MAOA: variants seen among roughly 807,000 people sequenced by gnomAD.
MAOA encodes monoamine oxidase A.
In MAOA, 6 loss-of-function variants were observed where a neutral mutation model predicts 42.0. The ratio of observed to expected loss-of-function variants is 0.14; its 90% CI spans 0.08 to 0.28. MAOA has a LOEUF of 0.28. MAOA is among the 10% of genes least tolerant of loss of function. The pLI is 1.00. For synonymous variants in MAOA, 140 were observed against 154.0 expected (o/e 0.91, Z 0.67); for missense variants, 262 against 422.3 (o/e 0.62, Z 3.33).
chrX:43,708,900 G>A (rs1446415616), intron 3 of MAOA, among the ~76,000 whole-genome samples: 1 of 109,612 alleles, frequency 9.1e-6, no homozygotes, highest in African/African-American at 3.3e-5. Flanking sequence ...GTGCTCTGTC[G>A]CTCAGGCTGG....
chrX:43,692,033 A>G (rs1348245115), intron 2 of MAOA, among the ~76,000 whole-genome samples: 6 of 71,512 alleles, frequency 8.4e-5, no homozygotes, highest in Admixed American at 5.0e-4. Flanking sequence ...ACACACACAC[A>G]CACACGCACG....
At chrX:43,663,979 G>A (rs1272158871) in intron 1 of MAOA, among the ~76,000 whole-genome samples, 7 of 111,975 alleles carry the variant, frequency 6.3e-5, no homozygotes, top group African/African-American at 9.7e-5. Context: ...GTATTTTTAC[G>A]CATAGATGTT....
At chrX:43,719,052 A>C (rs1279452613) in intron 5 of MAOA, among the ~76,000 whole-genome samples, 8 of 110,147 alleles carry the variant, frequency 7.3e-5, no homozygotes, top group African/African-American at 2.7e-4. Context: ...CTGGGGGGAC[A>C]CAGGAAGAGG....
intron 1 of MAOA, among the ~76,000 whole-genome samples, chrX:43,667,100 T>C (rs1003783466): frequency 9.1e-6 from 1 of 109,918 alleles, no homozygotes; most frequent in South Asian, 4.0e-4. Context: ...GTAACAAACC[T>C]GCACATTGTG....
rs113393189 is a variant in MAOA at position 43,682,414 on chromosome X, C to T, written c.74-1099C>T. ...AAACACACACACAAAATGATAGGGG[C>T]ATGTCAAAGGGGCATAGGAGCCAAC... On this transcript the variant is annotated intron_variant, in intron 1 of 14. Coordinates refer to ENST00000338702, the MANE Select transcript of MAOA (RefSeq NM_000240.4). 5.0e-3 allele frequency among the ~76,000 whole-genome samples: 554 copies of T among 111,587 alleles called. 7 individuals carry two copies. Among genetic ancestry groups the T allele is most frequent in the African/African-American group, 0.017 (534 of 30,723 alleles).
intron 1 of MAOA, among the ~76,000 whole-genome samples, chrX:43,667,003 G>GA (rs200854522): frequency 2.1e-5 from 2 of 93,580 alleles, no homozygotes; most frequent in Non-Finnish European, 4.1e-5. Flanking sequence ...TGGGGTGGGG[G>GA]GCGGGGGGGA....
At chrX:43,732,567 T>C in intron 8 of MAOA, 132 bp from the exon 9 acceptor site, 2 of 396,386 alleles carry the variant, frequency 5.0e-6, no homozygotes, top group South Asian at 6.1e-5. Flanking sequence ...ACAAGACATG[T>C]AGGGTTGGGG....
At chrX:43,720,362 G>C (rs187806701) in intron 5 of MAOA, among the ~76,000 whole-genome samples, 2 of 109,835 alleles carry the variant, frequency 1.8e-5, no homozygotes, top group East Asian at 5.9e-4. Flanking sequence ...CAACCCACAG[G>C]GATACAGGGA....
At chrX:43,722,729 G>T (rs777615826) in intron 5 of MAOA, among the ~76,000 whole-genome samples, 1 of 111,936 alleles carries the variant, frequency 8.9e-6, no homozygotes, top group Non-Finnish European at 1.9e-5. Flanking sequence ...TGTTGCTATT[G>T]CTTTTGGTGT....
chrX:43,682,687 C>T (rs2147080478), intron 1 of MAOA, among the ~76,000 whole-genome samples: 1 of 111,429 alleles, frequency 9.0e-6, no homozygotes, highest in South Asian at 3.8e-4. Flanking sequence ...TAAGTGTAGG[C>T]TATGCATAGC....
At position 43,744,520 on chromosome X, in the gene MAOA, G is replaced by A; in HGVS notation, c.*7G>A. On this transcript the variant is annotated 3_prime_UTR_variant, in exon 15 of 15. Coordinates refer to ENST00000338702, the MANE Select transcript of MAOA (RefSeq NM_000240.4). ...GCTCCTGCCACGGTCTTGAAGTTCT[G>A]TTCTTATGCTCTCTGCTCACTGGTT... The A allele has an allele frequency of 8.3e-7, 1 of 1,208,709 alleles. No homozygotes were observed. The highest frequency in any genetic ancestry group is 1.7e-5 in the African/African-American group (1 of 57,682).
intron 5 of MAOA, among the ~76,000 whole-genome samples, chrX:43,723,455 T>G (rs1270278015): frequency 2.7e-5 from 3 of 111,736 alleles, no homozygotes; most frequent in Non-Finnish European, 5.6e-5. Context: ...GTAGCAATTG[T>G]GAATAGGAGT....
In MAOA at chrX:43,711,936, A is replaced by G; in HGVS notation, c.371A>G (p.Tyr124Cys). 2 of 1,208,281 alleles carry G rather than the reference A, an allele frequency of 1.7e-6. No individual in the cohort carries two copies. The highest frequency in any genetic ancestry group is 2.2e-6 in the Non-Finnish European group (2 of 892,345). ...TGGAATCCCATTGCATATTTGGATT[A>G]CAATAATCTGTGGAGGACAATAGAT... ...PVWNPIAYLDYNNLWRTIDNM... is the reference protein window; with the variant it reads ...PVWNPIAYLDCNNLWRTIDNM... Residue 124 changes from tyrosine (Y) to cysteine (C), a missense_variant, in exon 4 of 15, where the codon TAC (tyrosine) becomes TGC (cysteine). Physicochemically the swap from Tyr to Cys is radical, Grantham distance 194. Around this residue, in one of 3 missense-constraint regions of MAOA, gnomAD observed 141 missense variants for 195.6 expected, o/e 0.72. Coordinates refer to ENST00000338702, the MANE Select transcript of MAOA (RefSeq NM_000240.4).
At chrX:43,692,884 A>G (rs1458457172) in intron 2 of MAOA, among the ~76,000 whole-genome samples, 5 of 112,200 alleles carry the variant, frequency 4.5e-5, no homozygotes, top group Non-Finnish European at 7.5e-5. Flanking sequence ...AGAGCCATCA[A>G]TGTGGACTGA....
intron 1 of MAOA, among the ~76,000 whole-genome samples, chrX:43,680,211 C>G (rs1307725025): frequency 9.0e-6 from 1 of 111,142 alleles, no homozygotes; most frequent in Non-Finnish European, 1.9e-5. Flanking sequence ...ATCTTGTAGA[C>G]CCAAACTCAT....
chrX:43,668,029 T>A (rs1205999537), intron 1 of MAOA, among the ~76,000 whole-genome samples: 1 of 112,073 alleles, frequency 8.9e-6, no homozygotes, highest in Non-Finnish European at 1.9e-5. Flanking sequence ...TTGCTAGGAT[T>A]GTAATTGCTG....
intron 3 of MAOA, among the ~76,000 whole-genome samples, chrX:43,695,693 C>T (rs1394881894): frequency 1.8e-5 from 2 of 111,747 alleles, no homozygotes; most frequent in East Asian, 5.6e-4. Flanking sequence ...GATCATGCCA[C>T]TGCACTTCAG....
Position 43,681,882 on chromosome X carries a change from T to TA in MAOA, c.74-1631_74-1630insA, listed in dbSNP as rs1479098954. 4.8e-3 allele frequency among the ~76,000 whole-genome samples: 392 copies of TA among 80,929 alleles called. 2 individuals are homozygous for TA. The highest frequency in any genetic ancestry group is 0.023 in the African/African-American group (371 of 15,965). 70.3% of individuals were successfully genotyped at this position (80,929 alleles called of 115,157 possible). A position where few individuals can be genotyped will look rare whatever the true frequency, so the allele number is the denominator to read the frequency against. Reference sequence around the variant, plus strand: ...AATAGCACTATATATATATATATATTTTTTTTTTTTTTTCTTTGAGACGGA... The same window carrying TA: ...AATAGCACTATATATATATATATATTATTTTTTTTTTTTTCTTTGAGACGGA... On this transcript the variant is annotated intron_variant, in intron 1 of 14. Transcript: ENST00000338702.
chrX:43,681,341 G>A (rs772018525), intron 1 of MAOA, among the ~76,000 whole-genome samples: 1 of 110,501 alleles, frequency 9.0e-6, no homozygotes, highest in African/African-American at 3.3e-5. Context: ...TTTATATCTA[G>A]GACTACAGGG....
Sources: gnomAD v4.1 joint callset for allele counts (sites outside exome capture counted in the v4.1 genomes callset) on GRCh38, gnomAD v4.1.1 for gene constraint, gnomAD v4.1.1 regional missense constraint, MANE v1.5 for transcripts, NCBI Gene and HGNC (gene_info 2026-07-23, HGNC 2026-07-21) for gene names.